SHROOM3: variants seen among roughly 807,000 people sequenced by gnomAD.
The protein encoded by SHROOM3 is protein Shroom3.
In SHROOM3, 47 loss-of-function variants were observed where a neutral mutation model predicts 138.6. The ratio of observed to expected loss-of-function variants is 0.34; its 90% CI spans 0.27 to 0.43. The LOEUF is 0.43. SHROOM3 is among the 20% of genes least tolerant of loss of function. SHROOM3 has a pLI of 1.00. For missense variants in SHROOM3, 2,491 were observed against 2,596.5 expected (o/e 0.96, Z 0.88); for synonymous variants, 1,062 against 1,063.3 (o/e 1.00, Z 0.02).
intron 2 of SHROOM3, among the ~76,000 whole-genome samples, chr4:76,633,905 G>A (rs1401215365): frequency 6.6e-6 from 1 of 152,178 alleles, no homozygotes; most frequent in Non-Finnish European, 1.5e-5. Context: ...GAAAGGAAAA[G>A]CAGATGACAT....
intron 1 of SHROOM3, among the ~76,000 whole-genome samples, chr4:76,500,655 G>A (rs768429710): frequency 2.6e-5 from 4 of 152,014 alleles, no homozygotes; most frequent in Non-Finnish European, 5.9e-5. Context: ...ATTCTAGTGG[G>A]TACACAGTAG....
chr4:76,686,831 A>C (rs974519748), intron 2 of SHROOM3, among the ~76,000 whole-genome samples: 10 of 152,326 alleles, frequency 6.6e-5, no homozygotes, highest in African/African-American at 2.4e-4. Flanking sequence ...CTTGGCATAA[A>C]TGCACACAGT....
chr4:76,777,198 T>C (rs1722597512), intron 10 of SHROOM3, among the ~76,000 whole-genome samples: 1 of 152,228 alleles, frequency 6.6e-6, no homozygotes, highest in Non-Finnish European at 1.5e-5. Flanking sequence ...AGTATGGTCA[T>C]TTTCACAATA....
At chr4:76,528,324 C>CCTT (rs370683829) in intron 1 of SHROOM3, among the ~76,000 whole-genome samples, 73 of 138,104 alleles carry the variant, frequency 5.3e-4, no homozygotes, top group African/African-American at 1.8e-3. Flanking sequence ...TTCTTTCTTT[C>CCTT]CTTCTTCTTC....
rs1214536251 is a variant in SHROOM3 at position 76,781,202 on chromosome 4, A to G, written c.*2025A>G. On this transcript the variant is annotated 3_prime_UTR_variant, in exon 11 of 11. Coordinates refer to ENST00000296043, the MANE Select transcript of SHROOM3 (RefSeq NM_020859.4). ...GTGCAGAGTGGTGCGATAACAGCTCATTGCAGTCTGAACCTCTGAGGCTCA... is the reference window on the plus strand; with the variant it reads ...GTGCAGAGTGGTGCGATAACAGCTCGTTGCAGTCTGAACCTCTGAGGCTCA... 1.3e-5 allele frequency: 2 copies of G among 151,864 alleles called. No individual in the cohort carries two copies. Among genetic ancestry groups the G allele is most frequent in the African/African-American group, 4.8e-5 (2 of 41,292 alleles). 9.4% of individuals were successfully genotyped at this position (151,864 alleles called of 1,614,324 possible).
chr4:76,461,416 C>T (rs571837476), intron 1 of SHROOM3, among the ~76,000 whole-genome samples: 1 of 152,194 alleles, frequency 6.6e-6, no homozygotes, highest in East Asian at 1.9e-4. Flanking sequence ...TGGCTTAGTC[C>T]ATAAAGAGTT....
At chr4:76,757,283 A>G (rs949895803) in intron 8 of SHROOM3, among the ~76,000 whole-genome samples, 4 of 152,222 alleles carry the variant, frequency 2.6e-5, no homozygotes, top group African/African-American at 7.2e-5. Flanking sequence ...AAATGAGGAA[A>G]CTGAAGTACA....
At chr4:76,642,489 G>C (rs1373359321) in intron 2 of SHROOM3, among the ~76,000 whole-genome samples, 1 of 152,196 alleles carries the variant, frequency 6.6e-6, no homozygotes, top group African/African-American at 2.4e-5. Context: ...GATTAAGCAG[G>C]TTGGGAGGAG....
rs528150051 is a variant in SHROOM3, at chr4:76,570,151, G to A, written c.323+14388G>A. ...GAACACAACCCAAATGCTCAGAAAT[G>A]TTAAAACACACACACACACACACAC... On this transcript the variant is annotated intron_variant, in intron 2 of 10. Transcript: ENST00000296043. 1.0e-2 allele frequency among the ~76,000 whole-genome samples: 1,205 copies of A among 120,998 alleles called. 52 individuals are homozygous for A. The highest frequency in any genetic ancestry group is 0.095 in the Admixed American group (1,072 of 11,306). The allele number at this position is 120,998 out of a possible 152,430, so 79.4% of individuals were successfully genotyped here.
At chr4:76,700,688 TTGAA>T (rs1199507984) in intron 2 of SHROOM3, among the ~76,000 whole-genome samples, 1 of 152,190 alleles carries the variant, frequency 6.6e-6, no homozygotes, top group Non-Finnish European at 1.5e-5. Context: ...CAATAGTTGA[TTGAA>T]TGAATGGATG....
Position 76,739,000 on chromosome 4 carries a change from G to A in SHROOM3, c.827G>A (p.Gly276Asp), listed in dbSNP as rs747696289. The change falls in exon 5 of 11, where the codon GGC becomes GAC. Residue 276 changes from glycine (G) to aspartate (D), a missense_variant. Transcript: ENST00000296043. ...SSSILEYPHP[G>D]ISGRERSGSM... ...AGCATCCTAGAGTATCCACACCCTGGCATCTCTGGCCGGGAGCGTTCAGGC... is the reference window on the plus strand; with the variant it reads ...AGCATCCTAGAGTATCCACACCCTGACATCTCTGGCCGGGAGCGTTCAGGC... The A allele has an allele frequency of 3.1e-6, 5 of 1,614,178 alleles. No homozygotes were observed. In the African/African-American group the frequency reaches 4.0e-5, roughly 13 times the overall value.
chr4:76,571,756 G>A (rs1373041571), intron 2 of SHROOM3, among the ~76,000 whole-genome samples: 3 of 152,164 alleles, frequency 2.0e-5, no homozygotes, highest in East Asian at 3.9e-4. Flanking sequence ...TATTTTGTAA[G>A]AGAATAGTTG....
At position 76,738,995 on chromosome 4, in the gene SHROOM3, C is replaced by G. The variant is rs374710074; in HGVS notation, c.822C>G (p.His274Gln). 2 of 1,614,088 alleles carry G rather than the reference C, an allele frequency of 1.2e-6. No homozygotes were observed. The highest frequency in any genetic ancestry group is 2.7e-5 in the African/African-American group (2 of 74,932). ...GTTCTAGCATCCTAGAGTATCCACACCCTGGCATCTCTGGCCGGGAGCGTT... is the reference window on the plus strand; with the variant it reads ...GTTCTAGCATCCTAGAGTATCCACAGCCTGGCATCTCTGGCCGGGAGCGTT... ...STSSSILEYPHPGISGRERSG... is the reference protein window; with the variant it reads ...STSSSILEYPQPGISGRERSG... The change falls in exon 5 of 11, where the codon CAC becomes CAG. Residue 274 changes from histidine to glutamine, a missense_variant. This residue lies in a region of SHROOM3 where 1,733 missense variants were observed against 1,661.6 expected (regional missense o/e 1.04). Transcript: ENST00000296043.
chr4:76,775,300 T>TG (rs1299605857), intron 10 of SHROOM3, among the ~76,000 whole-genome samples: 2 of 151,090 alleles, frequency 1.3e-5, no homozygotes, highest in East Asian at 3.9e-4. Context: ...TTCTTTTTTA[T>TG]GGCTGAGTAG....
chr4:76,541,588 G>A (rs1342124563), intron 1 of SHROOM3, among the ~76,000 whole-genome samples: 1 of 151,306 alleles, frequency 6.6e-6, no homozygotes, highest in African/African-American at 2.4e-5. Context: ...AAGTCGCACT[G>A]CACTTTCTGA....
intron 1 of SHROOM3, among the ~76,000 whole-genome samples, chr4:76,477,490 G>A (rs1398175538): frequency 1.3e-5 from 2 of 152,036 alleles, no homozygotes; most frequent in Admixed American, 6.5e-5. Flanking sequence ...AATGTTCACA[G>A]TGACTATATT....
chr4:76,776,850 T>C (rs926073153), intron 10 of SHROOM3, among the ~76,000 whole-genome samples: 1 of 152,226 alleles, frequency 6.6e-6, no homozygotes, highest in Non-Finnish European at 1.5e-5. Flanking sequence ...ATTTGTTGAA[T>C]AGGGTGACCT....
chr4:76,489,309 T>C (rs1163620992), intron 1 of SHROOM3, among the ~76,000 whole-genome samples: 3 of 152,154 alleles, frequency 2.0e-5, no homozygotes, highest in African/African-American at 4.8e-5. Flanking sequence ...TCATAGAAAC[T>C]GACAAAGAAG....
At chr4:76,632,040 T>C (rs928058465) in intron 2 of SHROOM3, among the ~76,000 whole-genome samples, 5 of 152,082 alleles carry the variant, frequency 3.3e-5, no homozygotes, top group African/African-American at 1.2e-4. Flanking sequence ...GGGATGGTAA[T>C]GGGATCATGA....
Sources: gnomAD v4.1 joint callset for allele counts (sites outside exome capture counted in the v4.1 genomes callset) on GRCh38, gnomAD v4.1.1 for gene constraint, gnomAD v4.1.1 regional missense constraint, MANE v1.5 for transcripts, NCBI Gene and HGNC (gene_info 2026-07-23, HGNC 2026-07-21) for gene names.